The following RPS6KA2 variants were observed in gnomAD, a reference collection of about 807,000 sequenced individuals.
The protein encoded by RPS6KA2 is ribosomal protein S6 kinase A2, also known as ribosomal protein S6 kinase alpha-2.
A neutral mutation model predicts 91.8 loss-of-function variants in RPS6KA2; 42 were observed. The observed-to-expected ratio is 0.46, with a 90% CI of 0.36 to 0.59. RPS6KA2 has a LOEUF of 0.59. RPS6KA2 is among the 20% of genes least tolerant of loss of function. The pLI is 0.00. For synonymous variants in RPS6KA2, 414 were observed against 393.6 expected, an observed-to-expected ratio of 1.05 and a Z score of -0.61; for missense variants, 798 against 978.5, an observed-to-expected ratio of 0.82 and a Z score of 2.46.
chr6:166,472,050 A>C (rs1780791775), intron 10 of RPS6KA2, among the ~76,000 whole-genome samples: 1 of 152,202 alleles, frequency 6.6e-6, no homozygotes, highest in Non-Finnish European at 1.5e-5. Flanking sequence ...TGATGACCAG[A>C]ACTCTGGGTT....
Position 166,612,634 on chromosome 6 carries a change from C to T in RPS6KA2, c.99+14287G>A, listed in dbSNP as rs1469023150. 1.3e-5 allele frequency among the ~76,000 whole-genome samples: 2 copies of T among 152,176 alleles called. No homozygotes were observed. The highest frequency in any genetic ancestry group is 2.1e-4 in the South Asian group (1 of 4,824). ...AGGTCAGACACTGCTTTGCAGAGCC[C>T]GTGGGCTGTGCTCCATTTATCACTC... On this transcript the variant is annotated intron_variant, in intron 1 of 20. Coordinates refer to ENST00000265678, the MANE Select transcript of RPS6KA2 (RefSeq NM_021135.6). The surrounding 1 kb of genome is among the most constrained non-coding windows in gnomAD (Gnocchi z 4.3).
chr6:166,738,576 G>A (rs540839352), intron 2 of RPS6KA2, among the ~76,000 whole-genome samples: 12 of 152,190 alleles, frequency 7.9e-5, no homozygotes, highest in African/African-American at 2.7e-4. Context: ...CAAGCCCGGC[G>A]TGTGTAACTG....
chr6:166,553,798 A>C (rs777778040), intron 1 of RPS6KA2, among the ~76,000 whole-genome samples: 21 of 152,260 alleles, frequency 1.4e-4, no homozygotes, highest in Middle Eastern at 3.4e-3. Flanking sequence ...TAAAAAAAGA[A>C]AGCCAGCCTA....
chr6:166,698,175 G>C (rs1789408553), intron 2 of RPS6KA2, among the ~76,000 whole-genome samples: 1 of 152,176 alleles, frequency 6.6e-6, no homozygotes. Context: ...ACAAGAGAAA[G>C]GACTGCGACA....
At chr6:166,708,294 CTATT>C (rs1346234323) in intron 2 of RPS6KA2, among the ~76,000 whole-genome samples, 2 of 152,048 alleles carry the variant, frequency 1.3e-5, no homozygotes, top group African/African-American at 2.4e-5. Context: ...GAACATAAAA[CTATT>C]TATTGACCAC....
At chr6:166,778,286 C>T (rs769641600) in intron 2 of RPS6KA2, among the ~76,000 whole-genome samples, 1 of 152,194 alleles carries the variant, frequency 6.6e-6, no homozygotes. Context: ...CAACGACTGG[C>T]GCCGGCCAAC....
chr6:166,629,183 C>T (rs529719523), upstream of RPS6KA2, among the ~76,000 whole-genome samples: 1 of 152,346 alleles, frequency 6.6e-6, no homozygotes, highest in East Asian at 1.9e-4. Context: ...AGGACCAACC[C>T]GACCATGCTT....
At chr6:166,843,580 G>T (rs558249819) in intron 2 of RPS6KA2, among the ~76,000 whole-genome samples, 1 of 152,294 alleles carries the variant, frequency 6.6e-6, no homozygotes, top group Admixed American at 6.5e-5. Context: ...ACGTGAAGAC[G>T]GATCACATCA....
At position 166,437,096 on chromosome 6, in the gene RPS6KA2, GGA is replaced by G. The variant is rs1036037769; in HGVS notation, c.1333-4608_1333-4607del. ...TGAGCTATTTGAGCAAGGTAAGGCT[GGA>G]GAGTGCTAACGCAGGAGTGGGCAGT... On this transcript the variant is annotated intron_variant, in intron 14 of 20. Transcript: ENST00000265678. The surrounding 1 kb of genome is among the most constrained non-coding windows in gnomAD (Gnocchi z 4.3). 9.9e-5 allele frequency among the ~76,000 whole-genome samples: 15 copies of G among 152,066 alleles called. No homozygotes were observed. The highest frequency in any genetic ancestry group is 3.6e-4 in the African/African-American group (15 of 41,456).
intron 2 of RPS6KA2, among the ~76,000 whole-genome samples, chr6:166,834,164 G>T (rs778901497): frequency 6.6e-6 from 1 of 152,202 alleles, no homozygotes; most frequent in Admixed American, 6.5e-5. Flanking sequence ...CAACGGAAGA[G>T]AGTTCCAGTT....
intron 3 of RPS6KA2, among the ~76,000 whole-genome samples, chr6:166,526,125 C>T (rs13204765): frequency 0.28 from 41,812 of 151,804 alleles, 5,849 homozygotes; most frequent in South Asian, 0.32. Context: ...TAACCTACTT[C>T]GAAGTATGCA....
At chr6:166,591,148 C>A (rs1785341815) in intron 1 of RPS6KA2, among the ~76,000 whole-genome samples, 1 of 152,228 alleles carries the variant, frequency 6.6e-6, no homozygotes, top group Non-Finnish European at 1.5e-5. Flanking sequence ...GTCGCCCAGG[C>A]ACTCTTCATA....
Position 166,488,931 on chromosome 6 carries a change from A to G in RPS6KA2, c.819-10T>C, listed in dbSNP as rs772422987. On this transcript the variant is annotated splice_polypyrimidine_tract_variant and intron_variant, in intron 9 of 20. Transcript: ENST00000265678. Reference sequence around the variant, plus strand: ...CATCCCCAGCTTGGCTCTGAAAAACAAGATCCTATTTTAGGATCTATTTTA... The same window carrying G: ...CATCCCCAGCTTGGCTCTGAAAAACGAGATCCTATTTTAGGATCTATTTTA... 1 of 1,609,778 alleles carries G rather than the reference A, an allele frequency of 6.2e-7. No individual in the cohort carries two copies. The highest frequency in any genetic ancestry group is 1.1e-5 in the South Asian group (1 of 90,446).
chr6:166,467,376 G>A (rs1780580999), intron 11 of RPS6KA2, among the ~76,000 whole-genome samples: 1 of 152,230 alleles, frequency 6.6e-6, no homozygotes, highest in Admixed American at 6.5e-5. Flanking sequence ...GCAGGAGACA[G>A]AAAATAATAA....
intron 2 of RPS6KA2, among the ~76,000 whole-genome samples, chr6:166,664,495 G>T (rs1156846957): frequency 6.6e-6 from 1 of 152,196 alleles, no homozygotes; most frequent in Non-Finnish European, 1.5e-5. Context: ...ATGAAACTGT[G>T]CCTGCCCCTT....
chr6:166,557,160 C>G lies in RPS6KA2; in HGVS notation c.100-18376G>C, dbSNP rs1302291446. 6.6e-6 allele frequency among the ~76,000 whole-genome samples: 1 copy of G among 152,248 alleles called. No individual in the cohort carries two copies. Among genetic ancestry groups the G allele is most frequent in the African/African-American group, 2.4e-5 (1 of 41,466 alleles). ...GCACAAAGTAGAACATGCCCTCCCCCTCTCTGCTAAGTTCCTCCCTGATCT... is the reference window on the plus strand; with the variant it reads ...GCACAAAGTAGAACATGCCCTCCCCGTCTCTGCTAAGTTCCTCCCTGATCT... On this transcript the variant is annotated intron_variant, in intron 1 of 20. Transcript: ENST00000265678. The surrounding 1 kb of genome is among the most constrained non-coding windows in gnomAD (Gnocchi z 4.8).
At chr6:166,656,407 C>T (rs1388613464) in intron 2 of RPS6KA2, among the ~76,000 whole-genome samples, 1 of 152,110 alleles carries the variant, frequency 6.6e-6, no homozygotes, top group East Asian at 1.9e-4. Context: ...AAGGGTTGGG[C>T]GGGGGTGGAA....
At chr6:166,824,776 CGTGTGTGTCTGT>C (rs1196179051) in intron 2 of RPS6KA2, among the ~76,000 whole-genome samples, 14 of 18,962 alleles carry the variant, frequency 7.4e-4, no homozygotes, top group African/African-American at 2.5e-3. Flanking sequence ...TGTGTGTCTA[CGTGTGTGTCTGT>C]GTGTGTGTCT....
chr6:166,828,398 T>C (rs1780098775), intron 2 of RPS6KA2, among the ~76,000 whole-genome samples: 1 of 152,248 alleles, frequency 6.6e-6, no homozygotes, highest in South Asian at 2.1e-4. Flanking sequence ...CAGTGCTAAA[T>C]GACAAACCAC....
Sources: allele counts gnomAD v4.1 joint callset (sites outside exome capture counted in the v4.1 genomes callset), GRCh38; gene constraint gnomAD v4.1.1; non-coding constraint Gnocchi (gnomAD v3.1); transcripts MANE v1.5; gene names NCBI Gene and HGNC (gene_info 2026-07-23, HGNC 2026-07-21).